The following ETF1 variants were observed in gnomAD, a reference collection of about 807,000 sequenced individuals.
ETF1 encodes the protein eukaryotic translation termination factor 1.
A neutral mutation model predicts 55.1 loss-of-function variants in ETF1; 4 were observed. That is an observed-to-expected ratio of 0.07 (90% CI 0.04 to 0.17). ETF1 has a LOEUF of 0.17. ETF1 is among the 10% of genes least tolerant of loss of function. ETF1 has a pLI of 1.00. For synonymous variants in ETF1, 157 were observed against 182.3 expected (o/e 0.86, Z 1.12); for missense variants, 142 against 523.6 (o/e 0.27, Z 7.11).
intron 2 of ETF1, among the ~76,000 whole-genome samples, chr5:138,527,246 T>C (rs1765511916): frequency 1.3e-5 from 2 of 152,150 alleles, no homozygotes; most frequent in African/African-American, 2.4e-5. Flanking sequence ...AAAATCAGAA[T>C]TCTGTTTGGG....
chr5:138,538,659 C>A (rs189025641), intron 2 of ETF1, among the ~76,000 whole-genome samples: 1 of 150,492 alleles, frequency 6.6e-6, no homozygotes, highest in East Asian at 1.9e-4. Flanking sequence ...AGCCCTTCAA[C>A]GATAGTGAGG....
chr5:138,532,788 A>G (rs913335080), intron 2 of ETF1, among the ~76,000 whole-genome samples: 28 of 152,244 alleles, frequency 1.8e-4, no homozygotes, highest in African/African-American at 6.5e-4. Context: ...GAACCATAGA[A>G]ATTCATTCCT....
chr5:138,528,526 T>TA (rs1765568849), intron 2 of ETF1, among the ~76,000 whole-genome samples: 1 of 152,208 alleles, frequency 6.6e-6, no homozygotes, highest in Non-Finnish European at 1.5e-5. Context: ...GATTCCACTT[T>TA]AAAAAATGGC....
chr5:138,526,731 C>T (rs1380964895), intron 2 of ETF1, among the ~76,000 whole-genome samples: 1 of 151,592 alleles, frequency 6.6e-6, no homozygotes, highest in African/African-American at 2.4e-5. Context: ...GATGGAGTCT[C>T]GCTCTGCTGC....
intron 2 of ETF1, among the ~76,000 whole-genome samples, chr5:138,525,464 AT>A (rs982981439): frequency 3.5e-3 from 56 of 15,940 alleles, no homozygotes; most frequent in African/African-American, 6.4e-3. Flanking sequence ...CCTATTAATA[AT>A]TTTATGAGAA....
At chr5:138,532,279 A>AC (rs1765733539) in intron 2 of ETF1, among the ~76,000 whole-genome samples, 1 of 152,138 alleles carries the variant, frequency 6.6e-6, no homozygotes, top group Non-Finnish European at 1.5e-5. Context: ...TCTTTTTGAT[A>AC]TGGGGTTAAT....
intron 2 of ETF1, among the ~76,000 whole-genome samples, chr5:138,521,467 T>A (rs1457235706): frequency 6.6e-6 from 1 of 152,236 alleles, no homozygotes; most frequent in Non-Finnish European, 1.5e-5. Context: ...AACTTCATGT[T>A]ATGTATTTTT....
At chr5:138,509,885 A>C (rs1287812624) in intron 9 of ETF1, among the ~76,000 whole-genome samples, 2 of 91,446 alleles carry the variant, frequency 2.2e-5, no homozygotes. Context: ...ACAAGAGCAA[A>C]CTCCACCTCA....
At chr5:138,539,794 A>C (rs1379418946) in intron 2 of ETF1, among the ~76,000 whole-genome samples, 2 of 152,226 alleles carry the variant, frequency 1.3e-5, no homozygotes, top group Non-Finnish European at 2.9e-5. Context: ...CTACATTTTA[A>C]GGAAATCTAG....
intron 2 of ETF1, among the ~76,000 whole-genome samples, chr5:138,520,030 G>A (rs1260081005): frequency 2.1e-5 from 3 of 142,560 alleles, no homozygotes; most frequent in East Asian, 4.0e-4. Context: ...TATCATACTT[G>A]GAAAACCAGA....
At chr5:138,526,925 C>T (rs1054580468) in intron 2 of ETF1, among the ~76,000 whole-genome samples, 4 of 152,296 alleles carry the variant, frequency 2.6e-5, no homozygotes, top group African/African-American at 7.2e-5. Flanking sequence ...TGTTCTCGAT[C>T]TCCCGACCTT....
intron 2 of ETF1, among the ~76,000 whole-genome samples, chr5:138,522,732 T>C (rs973921837): frequency 2.6e-5 from 4 of 152,152 alleles, no homozygotes; most frequent in Non-Finnish European, 5.9e-5. Context: ...ATTGGCCAGG[T>C]GTGGTGGCTC....
At chr5:138,521,314 G>A (rs1211620983) in intron 2 of ETF1, among the ~76,000 whole-genome samples, 1 of 152,164 alleles carries the variant, frequency 6.6e-6, no homozygotes, top group African/African-American at 2.4e-5. Flanking sequence ...GCAGTTGCCA[G>A]CAACTGGAGT....
intron 6 of ETF1, among the ~76,000 whole-genome samples, chr5:138,512,250 ATATATATATTTTT>A (rs1467981149): frequency 5.9e-4 from 7 of 11,860 alleles, no homozygotes; most frequent in Admixed American, 1.4e-3. Flanking sequence ...ATATATATAT[ATATATATATTTTT>A]TTTTTTTTTT....
chr5:138,532,048 A>AAAAAT (rs1344528910), intron 2 of ETF1, among the ~76,000 whole-genome samples: 4 of 82,976 alleles, frequency 4.8e-5, no homozygotes, highest in African/African-American at 8.7e-5. Flanking sequence ...TCCGCCTCAA[A>AAAAAT]AAAATAAAAT....
chr5:138,527,514 CAA>C (rs1765523058), intron 2 of ETF1, among the ~76,000 whole-genome samples: 1 of 152,170 alleles, frequency 6.6e-6, no homozygotes, highest in Non-Finnish European at 1.5e-5. Flanking sequence ...GGAGTTATGT[CAA>C]ACTCTACATA....
chr5:138,513,581 G>A lies in ETF1; in HGVS notation c.528C>T (p.Leu176=), dbSNP rs2127072903. Reference sequence around the variant, plus strand: ...CTCCTGTATTACCGTGTTTCTTTGGGAGATCCACAGTGAATTTGTGCAGGA... The same window carrying A: ...CTCCTGTATTACCGTGTTTCTTTGGAAGATCCACAGTGAATTTGTGCAGGA... ...REVLHKFTVD[L]PKKHGRGGQS... Residue 176 remains leucine, a synonymous_variant, in exon 5 of 11, where the codon CTC becomes CTT. Transcript: ENST00000360541. 1 of 1,606,682 alleles carries A rather than the reference G, an allele frequency of 6.2e-7. No homozygotes were observed. The highest frequency in any genetic ancestry group is 2.2e-5 in the East Asian group (1 of 44,664).
Position 138,507,320 on chromosome 5 carries a change from C to T in ETF1, c.*985G>A, listed in dbSNP as rs1561824876. On this transcript the variant is annotated 3_prime_UTR_variant, in exon 11 of 11. Coordinates refer to ENST00000360541, the MANE Select transcript of ETF1 (RefSeq NM_004730.4). ...CGTTCCTGTGAAAAACCTTGCAGTT[C>T]ATTTTAATAAATCAAAACATTCACA... is the stretch of plus-strand genomic sequence containing the variant. 6.6e-6 allele frequency: 1 copy of T among 152,608 alleles called. No homozygotes were observed. The highest frequency in any genetic ancestry group is 2.1e-4 in the South Asian group (1 of 4,822). 9.5% of individuals were successfully genotyped at this position (152,608 alleles called of 1,614,324 possible).
chr5:138,541,433 C>T (rs889385651), intron 2 of ETF1: 4 of 915,890 alleles, frequency 4.4e-6, no homozygotes, highest in Non-Finnish European at 6.8e-6. Flanking sequence ...ACAAGCCCGT[C>T]ACTGAATGGG....
Sources: gnomAD v4.1 joint callset for allele counts (sites outside exome capture counted in the v4.1 genomes callset) on GRCh38, gnomAD v4.1.1 for gene constraint, MANE v1.5 for transcripts, NCBI Gene and HGNC (gene_info 2026-07-23, HGNC 2026-07-21) for gene names.